The following GRID1 variants were observed in gnomAD, a reference collection of about 807,000 sequenced individuals.
GRID1 encodes the protein glutamate receptor ionotropic, delta-1.
GRID1 carries 28 observed loss-of-function variants against 98.0 expected under a neutral mutation model. That is an observed-to-expected ratio of 0.29 (90% CI 0.21 to 0.39). GRID1 has a LOEUF of 0.39. Ranked by LOEUF, GRID1 falls within the 10% of genes least tolerant of loss-of-function variation. The pLI, the probability that GRID1 is intolerant of heterozygous loss-of-function variation, is 1.00. For missense variants in GRID1, 1,111 were observed against 1,340.5 expected, an observed-to-expected ratio of 0.83 and a Z score of 2.67; for synonymous variants, 553 against 538.5, an observed-to-expected ratio of 1.03 and a Z score of -0.37.
rs141218337 is a variant in GRID1 at position 85,712,763 on chromosome 10, G to A, written c.1997+10240C>T. Among the ~76,000 whole-genome samples the A allele has an allele frequency of 5.7e-3, 857 of 151,526 alleles. 5 individuals carry two copies. Among genetic ancestry groups the A allele is most frequent in the African/African-American group, 0.02 (810 of 41,382 alleles). On this transcript the variant is annotated intron_variant, in intron 12 of 15. Coordinates refer to ENST00000327946, the MANE Select transcript of GRID1 (RefSeq NM_017551.3). ...GCTATGAAACTAGAAATCAATAACC[G>A]GAGGAAAATAAGAAAATTTATAAAA...
intron 4 of GRID1, among the ~76,000 whole-genome samples, chr10:86,064,901 T>C (rs1199949871): frequency 6.6e-6 from 1 of 152,228 alleles, no homozygotes; most frequent in Non-Finnish European, 1.5e-5. Context: ...TGCAAATGCA[T>C]TTCCTCAGAC....
At position 85,602,668 on chromosome 10, in the gene GRID1, G is replaced by A. The variant is rs777263250; in HGVS notation, c.2635C>T (p.Arg879Cys). 2.2e-5 allele frequency: 36 copies of A among 1,613,348 alleles called. No homozygotes were observed. Among genetic ancestry groups the A allele is most frequent in the East Asian group, 6.7e-5 (3 of 44,866 alleles). ...TCTTCATCCATGAGGCTGTTCATGC[G>A]CCGGTGGACCTGCTCCAAGTTCACT... ...KEVNLEQVHRRMNSLMDEDIA... is the reference protein window; with the variant it reads ...KEVNLEQVHRCMNSLMDEDIA... Residue 879 changes from arginine (R) to cysteine (C), a missense_variant, in exon 16 of 16, where the codon CGC becomes TGC. Around this residue, in one of 3 missense-constraint regions of GRID1, gnomAD observed 762 missense variants for 869.1 expected, o/e 0.88. Transcript: ENST00000327946.
chr10:85,705,518 C>T (rs1397511142), intron 12 of GRID1, among the ~76,000 whole-genome samples: 1 of 152,196 alleles, frequency 6.6e-6, no homozygotes, highest in African/African-American at 2.4e-5. Flanking sequence ...CAGCCGAATT[C>T]TACCACAGGT....
intron 3 of GRID1, among the ~76,000 whole-genome samples, chr10:86,182,355 C>T (rs575390423): frequency 9.8e-5 from 15 of 152,362 alleles, no homozygotes; most frequent in East Asian, 3.9e-4. Context: ...TGCCATTGAT[C>T]GCCACTAATG....
rs2132092228 is a variant in GRID1 at position 86,316,873 on chromosome 10, C to T, written c.235+47068G>A. On this transcript the variant is annotated intron_variant, in intron 2 of 15. Transcript: ENST00000327946. Reference sequence around the variant, plus strand: ...GCTGGCATTCAGAAGCACATTATTACAAGCTAGTGCTTCTCACCCTGAGTG... The same window carrying T: ...GCTGGCATTCAGAAGCACATTATTATAAGCTAGTGCTTCTCACCCTGAGTG... 1.3e-5 allele frequency among the ~76,000 whole-genome samples: 2 copies of T among 152,334 alleles called. 1 individual carries two copies. Among genetic ancestry groups the T allele is most frequent in the Admixed American group, 1.3e-4 (2 of 15,308 alleles).
chr10:85,646,928 C>A (rs1843201061), intron 13 of GRID1: 2 of 478,014 alleles, frequency 4.2e-6, no homozygotes, highest in Admixed American at 6.6e-5. Flanking sequence ...TCTGTGTCAC[C>A]CTCCTATGAG....
At chr10:85,980,816 A>G (rs1842535664) in intron 4 of GRID1, among the ~76,000 whole-genome samples, 1 of 152,214 alleles carries the variant, frequency 6.6e-6, no homozygotes, top group Non-Finnish European at 1.5e-5. Context: ...TTCTTAATAG[A>G]AACAGGAACT....
Position 85,715,527 on chromosome 10 carries a change from GTTTAA to G in GRID1, c.1997+7471_1997+7475del, listed in dbSNP as rs150542383. Among the ~76,000 whole-genome samples, 646 of 152,100 alleles carry G rather than the reference GTTTAA, an allele frequency of 4.2e-3. 4 individuals carry two copies. The highest frequency in any genetic ancestry group is 0.015 in the African/African-American group (616 of 41,510). On this transcript the variant is annotated intron_variant, in intron 12 of 15. Transcript: ENST00000327946. Reference sequence around the variant, plus strand: ...AAACTCACTAACCACAAAACAAATAGTTTAATTTAAAAATGGGCAAGGACCTGAAT... The same window carrying G: ...AAACTCACTAACCACAAAACAAATAGTTTAAAAATGGGCAAGGACCTGAAT...
chr10:85,660,214 C>T (rs986563755), intron 12 of GRID1, among the ~76,000 whole-genome samples: 13 of 152,220 alleles, frequency 8.5e-5, no homozygotes, highest in African/African-American at 2.4e-4. Flanking sequence ...GGGAGCCCAC[C>T]TATGCCCCAG....
intron 8 of GRID1, among the ~76,000 whole-genome samples, chr10:85,752,247 T>C (rs954684268): frequency 6.6e-6 from 1 of 152,144 alleles, no homozygotes; most frequent in African/African-American, 2.4e-5. Context: ...ACACTCAAAC[T>C]GGAGAAAGTC....
intron 2 of GRID1, among the ~76,000 whole-genome samples, chr10:86,212,068 C>T (rs1249653712): frequency 6.6e-6 from 1 of 152,222 alleles, no homozygotes; most frequent in African/African-American, 2.4e-5. Context: ...CTCTAGGCGC[C>T]ATCACTAATC....
intron 8 of GRID1, among the ~76,000 whole-genome samples, chr10:85,812,322 C>T (rs573879500): frequency 6.6e-6 from 1 of 151,994 alleles, no homozygotes; most frequent in South Asian, 2.1e-4. Context: ...CTTACTATGA[C>T]ATGAGAATAA....
At chr10:85,765,995 G>A (rs897242581) in intron 8 of GRID1, among the ~76,000 whole-genome samples, 1 of 152,216 alleles carries the variant, frequency 6.6e-6, no homozygotes, top group Admixed American at 6.5e-5. Context: ...CTGTCATGCT[G>A]ACTCAACTGG....
chr10:85,722,865 A>G, intron 12 of GRID1, 138 bp downstream of exon 12: 1 of 480,454 alleles, frequency 2.1e-6, no homozygotes, highest in Non-Finnish European at 3.5e-6. Flanking sequence ...GCTCTTCTCC[A>G]TGCACTAAAG....
At chr10:85,964,074 A>T (rs898798950) in intron 4 of GRID1, among the ~76,000 whole-genome samples, 11 of 152,332 alleles carry the variant, frequency 7.2e-5, no homozygotes, top group Admixed American at 2.0e-4. Flanking sequence ...AATACAACTT[A>T]AAAGGGATAT....
At chr10:85,730,057 C>G (rs1002613426) in intron 8 of GRID1, among the ~76,000 whole-genome samples, 3 of 152,210 alleles carry the variant, frequency 2.0e-5, no homozygotes, top group Non-Finnish European at 4.4e-5. Context: ...AAGCAAGTAG[C>G]AAACACTCAA....
chr10:85,664,635 T>A (rs1840999951), intron 12 of GRID1, among the ~76,000 whole-genome samples: 1 of 152,174 alleles, frequency 6.6e-6, no homozygotes, highest in Non-Finnish European at 1.5e-5. Context: ...GCCACAGGCA[T>A]GGGTACCTTG....
intron 4 of GRID1, among the ~76,000 whole-genome samples, chr10:86,038,750 C>G (rs984575723): frequency 6.6e-6 from 1 of 152,220 alleles, no homozygotes; most frequent in South Asian, 2.1e-4. Flanking sequence ...TGTCACTTCT[C>G]TTTAACGTAA....
At chr10:85,701,875 C>A (rs1032879035) in intron 12 of GRID1, among the ~76,000 whole-genome samples, 1 of 151,934 alleles carries the variant, frequency 6.6e-6, no homozygotes, top group Non-Finnish European at 1.5e-5. Flanking sequence ...GTATACCGCT[C>A]GGGAGACAGG....
Sources: gnomAD v4.1 joint callset for allele counts (sites outside exome capture counted in the v4.1 genomes callset) on GRCh38, gnomAD v4.1.1 for gene constraint, gnomAD v4.1.1 regional missense constraint, MANE v1.5 for transcripts, NCBI Gene and HGNC (gene_info 2026-07-23, HGNC 2026-07-21) for gene names.